The following EPHA6 variants were observed in gnomAD, a reference collection of about 807,000 sequenced individuals.
The protein encoded by EPHA6 is EPH receptor A6.
Under a neutral mutation model 112.0 loss-of-function variants are expected in EPHA6, and 50 were observed. That is an observed-to-expected ratio of 0.45 (90% CI 0.36 to 0.56). The LOEUF is 0.56. EPHA6 is among the 20% of genes least tolerant of loss of function. The probability of loss-of-function intolerance (pLI) is 0.00; values close to 1 mark genes in which losing one functional copy is unlikely to be tolerated. For missense variants in EPHA6, 1,280 were observed against 1,417.4 expected (o/e 0.90, Z 1.56); for synonymous variants, 529 against 490.7 (o/e 1.08, Z -1.03).
chr3:96,969,811 G>A (rs2107779160), intron 2 of EPHA6, among the ~76,000 whole-genome samples: 1 of 151,914 alleles, frequency 6.6e-6, no homozygotes, highest in South Asian at 2.1e-4. Context: ...GGATCTTTCA[G>A]CATCATTTAA....
In EPHA6 at chr3:97,599,754, C is replaced by T. The variant is rs915700700; in HGVS notation, c.2512+7017C>T. On this transcript the variant is annotated intron_variant, in intron 12 of 17. Coordinates refer to ENST00000389672, the MANE Select transcript of EPHA6 (RefSeq NM_001080448.3). ...AGGATTGACTTGGTGATGCGGGCTC[C>T]TTTTTGGTTCCATATGAACTTTAAA... Among the ~76,000 whole-genome samples the T allele has an allele frequency of 1.1e-4, 17 of 152,150 alleles. No homozygotes were observed. In the East Asian group the frequency reaches 1.9e-3, roughly 17 times the overall value.
intron 3 of EPHA6, among the ~76,000 whole-genome samples, chr3:97,199,738 A>G (rs2077532023): frequency 6.6e-6 from 1 of 152,158 alleles, no homozygotes; most frequent in Admixed American, 6.6e-5. Flanking sequence ...CTCCTTCCAG[A>G]AAAAACAAAC....
chr3:97,305,712 G>A (rs1383404296), intron 5 of EPHA6, among the ~76,000 whole-genome samples: 1 of 151,804 alleles, frequency 6.6e-6, no homozygotes, highest in Non-Finnish European at 1.5e-5. Context: ...CACTGGGCCT[G>A]TCAGTGGGGA....
At chr3:97,324,558 G>C (rs373358291) in intron 5 of EPHA6, among the ~76,000 whole-genome samples, 1 of 33,338 alleles carries the variant, frequency 3.0e-5, no homozygotes, top group Non-Finnish European at 7.1e-5. Flanking sequence ...TCTTTCTTTC[G>C]ATGGAGCTTC....
rs190079485 is a variant in EPHA6, at chr3:97,476,015, C to A, written c.2003+555C>A. 3.2e-3 allele frequency among the ~76,000 whole-genome samples: 486 copies of A among 152,068 alleles called. 3 individuals are homozygous for A. Among genetic ancestry groups the A allele is most frequent in the South Asian group, 0.016 (76 of 4,818 alleles). On this transcript the variant is annotated intron_variant, in intron 8 of 17. Coordinates refer to ENST00000389672, the MANE Select transcript of EPHA6 (RefSeq NM_001080448.3). The stretch of plus-strand genomic sequence containing the variant: ...GGTCCAAGTGCTTCACCCATCAGAA[C>A]CTTAGCTTTCTATTTTTATACAGGT...
intron 5 of EPHA6, among the ~76,000 whole-genome samples, chr3:97,282,842 C>T (rs1225386333): frequency 1.3e-5 from 2 of 151,996 alleles, no homozygotes; most frequent in Non-Finnish European, 2.9e-5. Context: ...ATCAGCAGGG[C>T]AGGGGAAGGG....
chr3:97,337,750 C>T (rs2083125335), intron 5 of EPHA6, among the ~76,000 whole-genome samples: 3 of 152,052 alleles, frequency 2.0e-5, no homozygotes, highest in Admixed American at 1.3e-4. Context: ...AGGGTGAGAG[C>T]TACAATGCTC....
At chr3:97,671,164 T>C (rs2030776849) in intron 14 of EPHA6, among the ~76,000 whole-genome samples, 1 of 152,192 alleles carries the variant, frequency 6.6e-6, no homozygotes, top group African/African-American at 2.4e-5. Context: ...TGTGCTAAAC[T>C]TGGCCGGTCT....
At chr3:97,218,108 C>T (rs1161880306) in intron 3 of EPHA6, among the ~76,000 whole-genome samples, 1 of 151,960 alleles carries the variant, frequency 6.6e-6, no homozygotes, top group East Asian at 1.9e-4. Context: ...CCCCTCTCTA[C>T]AAAAAATACA....
intron 14 of EPHA6, among the ~76,000 whole-genome samples, chr3:97,666,104 G>A (rs1046666512): frequency 6.7e-6 from 1 of 150,110 alleles, no homozygotes; most frequent in Non-Finnish European, 1.5e-5. Flanking sequence ...ATCATCTGAC[G>A]CCTTGCCTTG....
At chr3:96,998,923 GTT>G (rs1193924484) in intron 3 of EPHA6, among the ~76,000 whole-genome samples, 5 of 151,886 alleles carry the variant, frequency 3.3e-5, no homozygotes, top group Non-Finnish European at 2.9e-5. Context: ...CTAGTTAAGA[GTT>G]TACCTCATCT....
At chr3:97,585,218 G>A (rs557022165) in intron 11 of EPHA6, among the ~76,000 whole-genome samples, 35 of 152,246 alleles carry the variant, frequency 2.3e-4, no homozygotes, top group Non-Finnish European at 3.8e-4. Flanking sequence ...TACAGTCCAC[G>A]TTCAGCATTT....
At chr3:97,128,227 A>G (rs1156782448) in intron 3 of EPHA6, among the ~76,000 whole-genome samples, 8 of 152,200 alleles carry the variant, frequency 5.3e-5, no homozygotes, top group Admixed American at 4.6e-4. Flanking sequence ...TCTATGGTAT[A>G]TATGTATCAT....
intron 3 of EPHA6, among the ~76,000 whole-genome samples, chr3:97,080,332 C>T (rs59132063): frequency 6.6e-6 from 1 of 150,978 alleles, no homozygotes; most frequent in Admixed American, 6.8e-5. Flanking sequence ...GATATTGCAG[C>T]CATTTCATAT....
chr3:97,365,451 C>A (rs757104036), intron 5 of EPHA6, among the ~76,000 whole-genome samples: 4 of 151,604 alleles, frequency 2.6e-5, no homozygotes, highest in Non-Finnish European at 4.4e-5. Flanking sequence ...AGTGCTATGG[C>A]GTGATCTCGG....
At chr3:97,641,721 G>T (rs185133284) in intron 14 of EPHA6, among the ~76,000 whole-genome samples, 9 of 152,338 alleles carry the variant, frequency 5.9e-5, no homozygotes, top group African/African-American at 2.2e-4. Flanking sequence ...CGAATATTGC[G>T]CTTTTCAGAC....
chr3:97,669,986 G>A (rs538122723), intron 14 of EPHA6, among the ~76,000 whole-genome samples: 1 of 152,240 alleles, frequency 6.6e-6, no homozygotes, highest in Admixed American at 6.5e-5. Flanking sequence ...CTATTAGCAA[G>A]TTTGATGAAA....
intron 14 of EPHA6, among the ~76,000 whole-genome samples, chr3:97,684,251 T>A (rs1370681402): frequency 6.6e-6 from 1 of 152,130 alleles, no homozygotes; most frequent in Non-Finnish European, 1.5e-5. Flanking sequence ...TTAATGAATA[T>A]AAGAATAAAT....
In EPHA6 at chr3:97,484,000, A is replaced by T. The variant is rs2091634002; in HGVS notation, c.2141A>T (p.His714Leu). 6.2e-7 allele frequency: 1 copy of T among 1,611,260 alleles called. No homozygotes were observed. Among genetic ancestry groups the T allele is most frequent in the Non-Finnish European group, 8.5e-7 (1 of 1,178,632 alleles). ...DTYEDPSLAV[H>L]EFAKEIDPSR... ...TATGAAGACCCATCCCTAGCAGTCC[A>T]TGAATTTGCAAAGGAGATTGATCCC... The change falls in exon 10 of 18, where the codon CAT (histidine) becomes CTT (leucine). Residue 714 changes from histidine to leucine, a missense_variant. His to Leu is a moderately conservative substitution (Grantham distance 99). Coordinates refer to ENST00000389672, the MANE Select transcript of EPHA6 (RefSeq NM_001080448.3).
Sources: allele counts gnomAD v4.1 joint callset (sites outside exome capture counted in the v4.1 genomes callset), GRCh38; gene constraint gnomAD v4.1.1; transcripts MANE v1.5; gene names NCBI Gene and HGNC (gene_info 2026-07-23, HGNC 2026-07-21).